MAP1B: variants seen among roughly 807,000 people sequenced by gnomAD.
The protein encoded by MAP1B is microtubule-associated protein 1B.
A neutral mutation model predicts 176.1 loss-of-function variants in MAP1B; 12 were observed. That is an observed-to-expected ratio of 0.07 (90% confidence interval 0.04 to 0.11). MAP1B has a LOEUF of 0.11. Among genes scored for constraint, MAP1B ranks in the 10% least tolerant of loss-of-function variants. The pLI is 1.00. For synonymous variants in MAP1B, 1,044 were observed against 1,135.0 expected, an observed-to-expected ratio of 0.92 and a Z score of 1.61; for missense variants, 2,523 against 2,990.5, an observed-to-expected ratio of 0.84 and a Z score of 3.65.
intron 1 of MAP1B, among the ~76,000 whole-genome samples, chr5:72,114,582 T>C (rs558113863): frequency 1.2e-4 from 19 of 152,358 alleles, no homozygotes; most frequent in Admixed American, 9.8e-4. Flanking sequence ...ATGAGCAACC[T>C]ATTAGGAAAA....
rs564543921 is a variant in MAP1B at position 72,207,962 on chromosome 5, C to CTTTTTT, written c.*2739_*2744dup. The CTTTTTT allele has an allele frequency of 6.1e-4, 71 of 115,974 alleles. No homozygotes were observed. Among genetic ancestry groups the CTTTTTT allele is most frequent in the East Asian group, 2.7e-3 (8 of 3,010 alleles). 7.2% of individuals were successfully genotyped at this position (115,974 alleles called of 1,614,324 possible). ...CTCCTCACTTTCTCTCTCTCTCTCT[C>CTTTTTT]TTTTTTTTTTTTTTTTTTTTTGCTA... is the stretch of plus-strand genomic sequence containing the variant. On this transcript the variant is annotated 3_prime_UTR_variant, in exon 7 of 7. Coordinates refer to ENST00000296755, the MANE Select transcript of MAP1B (RefSeq NM_005909.5).
rs1368801916 is a variant in MAP1B at position 72,208,783 on chromosome 5, A to G, written c.*3544A>G. The G allele has an allele frequency of 1.3e-5, 2 of 152,166 alleles. No individual in the cohort carries two copies. Among genetic ancestry groups the G allele is most frequent in the Non-Finnish European group, 2.9e-5 (2 of 68,028 alleles). The allele number at this position is 152,166 out of a possible 1,614,324, so 9.4% of individuals were successfully genotyped here. A position where few individuals can be genotyped will look rare whatever the true frequency, so the allele number is the denominator to read the frequency against. ...CATTTTCCCTCTGTTACCAAATTTC[A>G]GCTCTTAGGAGCTGCTCTACAATTC... On this transcript the variant is annotated 3_prime_UTR_variant, in exon 7 of 7. Transcript: ENST00000296755.
rs114923730 is a variant in MAP1B at position 72,142,985 on chromosome 5, T to C, written c.286+27186T>C. Among the ~76,000 whole-genome samples the C allele has an allele frequency of 7.5e-3, 1,149 of 152,296 alleles. 13 individuals are homozygous for C. Among genetic ancestry groups the C allele is most frequent in the African/African-American group, 0.027 (1,103 of 41,544 alleles). On this transcript the variant is annotated intron_variant, in intron 2 of 6. Transcript: ENST00000296755. Reference sequence around the variant, plus strand: ...CAAAAATAAGATTTTCTAGTTGTTGTGTGAAATCCATAGTGAAAAGTCTGA... The same window carrying C: ...CAAAAATAAGATTTTCTAGTTGTTGCGTGAAATCCATAGTGAAAAGTCTGA...
intron 2 of MAP1B, among the ~76,000 whole-genome samples, chr5:72,168,560 T>C (rs1188881873): frequency 6.6e-6 from 1 of 152,254 alleles, no homozygotes; most frequent in East Asian, 1.9e-4. Flanking sequence ...ATTTTATGCA[T>C]GCTGCCTTTC....
intron 2 of MAP1B, among the ~76,000 whole-genome samples, chr5:72,177,005 G>T (rs549119875): frequency 6.6e-6 from 1 of 152,324 alleles, no homozygotes; most frequent in South Asian, 2.1e-4. Flanking sequence ...CCTGGTAACA[G>T]GTGGCCTTCT....
Position 72,197,340 on chromosome 5 carries a change from G to A in MAP1B, c.3985G>A (p.Gly1329Ser), listed in dbSNP as rs1480704882. 2 of 1,614,060 alleles carry A rather than the reference G, an allele frequency of 1.2e-6. No individual in the cohort carries two copies. Among genetic ancestry groups the A allele is most frequent in the African/African-American group, 2.7e-5 (2 of 74,934 alleles). The change falls in exon 5 of 7, where the codon GGC becomes AGC. Residue 1329 changes from glycine to serine, a missense_variant. By Grantham distance (56) the Gly-to-Ser change is moderately conservative (BLOSUM62 0). Coordinates refer to ENST00000296755, the MANE Select transcript of MAP1B (RefSeq NM_005909.5). ...GGTGTCACCATCTCAGTCCGTGACT[G>A]GCAGTGCTGGTCACACACCTTACTA... The part of the protein sequence containing the change: ...EVVSPSQSVT[G>S]SAGHTPYYQS...
chr5:72,115,644 C>T, intron 1 of MAP1B, 54 bp from the exon 2 acceptor site: 1 of 979,062 alleles, frequency 1.0e-6, no homozygotes, highest in South Asian at 1.3e-5. Context: ...TTGTCCAAAC[C>T]ACTCTGAAAT....
chr5:72,196,307 A>C lies in MAP1B; in HGVS notation c.2952A>C (p.Ala984=), dbSNP rs1267658519. ...AAAGTGCCAAGGCGGAGGCTGATGC[A>C]TACATCAGGGAGAAGAGGGAGTCTG... is the stretch of plus-strand genomic sequence containing the variant. ...DEESAKAEAD[A]YIREKRESVA... The change falls in exon 5 of 7, where the codon GCA becomes GCC. Residue 984 remains alanine, a synonymous_variant. Transcript: ENST00000296755. The surrounding 1 kb of genome is among the most constrained non-coding windows in gnomAD (Gnocchi z 5.3). 6.2e-7 allele frequency: 1 copy of C among 1,614,034 alleles called. No homozygotes were observed. The highest frequency in any genetic ancestry group is 8.5e-7 in the Non-Finnish European group (1 of 1,180,032).
At chr5:72,162,540 C>G (rs1301748823) in intron 2 of MAP1B, among the ~76,000 whole-genome samples, 1 of 152,042 alleles carries the variant, frequency 6.6e-6, no homozygotes, top group Non-Finnish European at 1.5e-5. Context: ...AGCTTACTAC[C>G]TGCTCCCTGC....
rs368196153 is a variant in MAP1B, at chr5:72,198,544, C to T, written c.5189C>T (p.Pro1730Leu). ...LISVSQVEASPSTSSAHTPSQ... is the reference protein window; with the variant it reads ...LISVSQVEASLSTSSAHTPSQ... ...TCAGTATCTCAGGTAGAGGCCTCCC[C>T]GTCCACCTCTTCTGCTCATACCCCT... is the stretch of plus-strand genomic sequence containing the variant. Residue 1730 changes from proline (P) to leucine (L), a missense_variant, in exon 5 of 7, where the codon CCG (proline) becomes CTG (leucine). Coordinates refer to ENST00000296755, the MANE Select transcript of MAP1B (RefSeq NM_005909.5). The T allele has an allele frequency of 3.1e-6, 5 of 1,613,866 alleles. No homozygotes were observed. Among genetic ancestry groups the T allele is most frequent in the African/African-American group, 2.7e-5 (2 of 74,884 alleles).
At chr5:72,138,230 G>A (rs779549586) in intron 2 of MAP1B, among the ~76,000 whole-genome samples, 4 of 152,164 alleles carry the variant, frequency 2.6e-5, no homozygotes, top group Non-Finnish European at 5.9e-5. Context: ...AAGGTGGGTG[G>A]AGAAAGACAC....
At chr5:72,118,631 A>G (rs148143953) in intron 2 of MAP1B, among the ~76,000 whole-genome samples, 4 of 148,610 alleles carry the variant, frequency 2.7e-5, no homozygotes, top group African/African-American at 9.9e-5. Flanking sequence ...AAAAAAACAT[A>G]GAGACGGGGT....
intron 2 of MAP1B, chr5:72,180,027 G>A (rs1370034013): frequency 4.6e-6 from 3 of 646,940 alleles, no homozygotes; most frequent in African/African-American, 2.0e-5. Flanking sequence ...CAGCAGGCGA[G>A]CTCACTGTGT....
At chr5:72,110,189 A>G (rs1745301272) in intron 1 of MAP1B, among the ~76,000 whole-genome samples, 1 of 152,238 alleles carries the variant, frequency 6.6e-6, no homozygotes, top group Non-Finnish European at 1.5e-5. Flanking sequence ...CAAGAAACAG[A>G]CATTACTGGA....
At chr5:72,133,380 G>A (rs1373877319) in intron 2 of MAP1B, among the ~76,000 whole-genome samples, 1 of 152,212 alleles carries the variant, frequency 6.6e-6, no homozygotes, top group Non-Finnish European at 1.5e-5. Flanking sequence ...CAGTGGAAAA[G>A]GAGGTATCTG....
At position 72,196,937 on chromosome 5, in the gene MAP1B, C is replaced by G; in HGVS notation, c.3582C>G (p.Ala1194=). ...NGFSEGSKTD[A]TDGKDYNASA... ...TTTCTGAAGGATCAAAAACAGATGC[C>G]ACTGATGGCAAGGATTACAATGCTT... is the stretch of plus-strand genomic sequence containing the variant. The change falls in exon 5 of 7, where the codon GCC becomes GCG. Residue 1194 remains alanine (A), a synonymous_variant. Coordinates refer to ENST00000296755, the MANE Select transcript of MAP1B (RefSeq NM_005909.5). This position sits in a 1 kb window ranked among gnomAD's most constrained non-coding sequence, Gnocchi z 5.3. 1 of 1,614,152 alleles carries G rather than the reference C, an allele frequency of 6.2e-7. No homozygotes were observed. The highest frequency in any genetic ancestry group is 8.5e-7 in the Non-Finnish European group (1 of 1,180,020).
chr5:72,125,929 A>T (rs184769519), intron 2 of MAP1B, among the ~76,000 whole-genome samples: 10 of 152,336 alleles, frequency 6.6e-5, no homozygotes, highest in African/African-American at 2.4e-4. Flanking sequence ...CCTGACCTGG[A>T]TGTATAAGCT....
At chr5:72,131,083 G>T (rs75372810) in intron 2 of MAP1B, among the ~76,000 whole-genome samples, 3,477 of 152,130 alleles carry the variant, frequency 0.023, 96 homozygotes, top group African/African-American at 0.067. Flanking sequence ...GTCCCTATAC[G>T]GTCTCCCATG....
chr5:72,193,864 A>G lies in MAP1B; in HGVS notation c.511-2A>G. On this transcript the variant is annotated splice_acceptor_variant, in intron 4 of 6. Coordinates refer to ENST00000296755, the MANE Select transcript of MAP1B (RefSeq NM_005909.5). LOFTEE classifies it high-confidence loss of function. ...TTCTTTCTTTCTTTCTTTAAAACCC[A>G]GATCGGGGAGTTACTAAGCACCACC... 6.4e-7 allele frequency: 1 copy of G among 1,572,216 alleles called. No individual in the cohort carries two copies. The highest frequency in any genetic ancestry group is 8.6e-7 in the Non-Finnish European group (1 of 1,164,752).
Sources: gnomAD v4.1 joint callset for allele counts (sites outside exome capture counted in the v4.1 genomes callset) on GRCh38, gnomAD v4.1.1 for gene constraint, Gnocchi (gnomAD v3.1) non-coding constraint, MANE v1.5 for transcripts, NCBI Gene and HGNC (gene_info 2026-07-23, HGNC 2026-07-21) for gene names.